The following WDSUB1 variants were observed in gnomAD, a reference collection of about 807,000 sequenced individuals.
WDSUB1 encodes the protein WD repeat, SAM and U-box domain-containing protein 1.
WDSUB1 carries 49 observed loss-of-function variants against 53.9 expected under a neutral mutation model. The observed-to-expected ratio is 0.91, with a 90% CI of 0.72 to 1.15. The LOEUF (loss-of-function observed/expected upper bound fraction) is 1.15. Ranked by LOEUF, WDSUB1 falls within the 50% of genes most tolerant of loss-of-function variation. The pLI is 0.00. For missense variants in WDSUB1, 514 were observed against 562.0 expected, an observed-to-expected ratio of 0.91 and a Z score of 0.86; for synonymous variants, 194 against 200.6, an observed-to-expected ratio of 0.97 and a Z score of 0.28.
chr2:159,249,825 G>A (rs2151072065), intron 9 of WDSUB1, among the ~76,000 whole-genome samples: 1 of 151,720 alleles, frequency 6.6e-6, no homozygotes, highest in Non-Finnish European at 1.5e-5. Flanking sequence ...CAGCACTTTG[G>A]GAGGATTAGG....
intron 5 of WDSUB1, among the ~76,000 whole-genome samples, chr2:159,261,125 T>C (rs978874988): frequency 6.6e-6 from 1 of 151,530 alleles, no homozygotes; most frequent in Non-Finnish European, 1.5e-5. Context: ...ATCAAAATAT[T>C]CAAGAAAAAC....
intron 10 of WDSUB1, among the ~76,000 whole-genome samples, chr2:159,244,672 C>A (rs2060747099): frequency 5.3e-5 from 8 of 152,222 alleles, no homozygotes; most frequent in African/African-American, 1.9e-4. Context: ...CACGTCTTAT[C>A]TCAGCACTTT....
chr2:159,256,762 T>C (rs1262682887), intron 8 of WDSUB1, among the ~76,000 whole-genome samples: 1 of 152,166 alleles, frequency 6.6e-6, no homozygotes, highest in African/African-American at 2.4e-5. Flanking sequence ...ATTCTGACAG[T>C]GATAAAAATA....
intron 3 of WDSUB1, among the ~76,000 whole-genome samples, chr2:159,277,513 A>C (rs1296392965): frequency 1.3e-5 from 2 of 152,206 alleles, no homozygotes; most frequent in African/African-American, 2.4e-5. Flanking sequence ...ATCTAAATAT[A>C]ATATTTAGAA....
Position 159,271,813 on chromosome 2 carries a change from A to T in WDSUB1, c.677-18T>A, listed in dbSNP as rs1194121119. On this transcript the variant is annotated intron_variant, in intron 4 of 10. Transcript: ENST00000359774. Reference sequence around the variant, plus strand: ...TTCAAAACCTGCAAATAACAAGGTAACAGAGATTAGAAAGCTGACCATGCT... The same window carrying T: ...TTCAAAACCTGCAAATAACAAGGTATCAGAGATTAGAAAGCTGACCATGCT... 2 of 1,597,608 alleles carry T rather than the reference A, an allele frequency of 1.3e-6. No individual in the cohort carries two copies. Among genetic ancestry groups the T allele is most frequent in the Non-Finnish European group, 1.7e-6 (2 of 1,166,796 alleles).
intron 1 of WDSUB1, among the ~76,000 whole-genome samples, chr2:159,285,133 AT>A: frequency 6.6e-6 from 1 of 152,216 alleles, no homozygotes; most frequent in Non-Finnish European, 1.5e-5. Flanking sequence ...TATCCACACC[AT>A]GTAAAACTGT....
At chr2:159,238,670 C>A (rs2060554216) in intron 10 of WDSUB1, among the ~76,000 whole-genome samples, 1 of 152,164 alleles carries the variant, frequency 6.6e-6, no homozygotes, top group South Asian at 2.1e-4. Flanking sequence ...TTCCATTGTT[C>A]TATTCCTGGG....
intron 1 of WDSUB1, among the ~76,000 whole-genome samples, chr2:159,285,554 T>G (rs1305523286): frequency 6.6e-6 from 1 of 151,836 alleles, no homozygotes; most frequent in Non-Finnish European, 1.5e-5. Context: ...AAAATAAAAA[T>G]AATTAGCTGG....
At chr2:159,246,642 A>G (rs1393391247) in intron 10 of WDSUB1, among the ~76,000 whole-genome samples, 2 of 152,212 alleles carry the variant, frequency 1.3e-5, no homozygotes, top group Non-Finnish European at 1.5e-5. Flanking sequence ...TCACTCCTAT[A>G]TATTTAACCA....
chr2:159,241,081 A>G (rs528139762), intron 10 of WDSUB1, among the ~76,000 whole-genome samples: 15 of 152,368 alleles, frequency 9.8e-5, no homozygotes, highest in Middle Eastern at 3.4e-3. Flanking sequence ...CTGAAGTCAG[A>G]GTATAACCAA....
Position 159,260,310 on chromosome 2 carries a change from AAAC to A in WDSUB1, c.771-470_771-468del, listed in dbSNP as rs200499675. ...GCAAAGTGAGACTCTATCTCAAAAA[AAAC>A]AACATGCCATATATAAAATTTAGAA... On this transcript the variant is annotated intron_variant, in intron 5 of 10. Transcript: ENST00000359774. Among the ~76,000 whole-genome samples, 283 of 152,258 alleles carry A rather than the reference AAAC, an allele frequency of 1.9e-3. 3 individuals are homozygous for A. The East Asian group carries it at 0.022, about 12-fold the overall frequency.
intron 5 of WDSUB1, among the ~76,000 whole-genome samples, chr2:159,260,816 G>A (rs1292418610): frequency 6.6e-6 from 1 of 152,148 alleles, no homozygotes; most frequent in Non-Finnish European, 1.5e-5. Flanking sequence ...ACACTACAAG[G>A]TGAAAAAACA....
intron 5 of WDSUB1, among the ~76,000 whole-genome samples, chr2:159,265,116 A>ACAC (rs2061312628): frequency 6.7e-6 from 1 of 150,176 alleles, no homozygotes; most frequent in African/African-American, 2.5e-5. Flanking sequence ...AACAACAACA[A>ACAC]CAACAACAAA....
Position 159,273,280 on chromosome 2 carries a change from C to A in WDSUB1, c.677-1485G>T, listed in dbSNP as rs552617764. Among the ~76,000 whole-genome samples, 66 of 152,114 alleles carry A rather than the reference C, an allele frequency of 4.3e-4. 2 individuals carry two copies. Among genetic ancestry groups the A allele is most frequent in the Admixed American group, 3.3e-4 (5 of 15,284 alleles). On this transcript the variant is annotated intron_variant, in intron 4 of 10. Transcript: ENST00000359774. ...CAAAGCAAACATATTAAGTTGCACA[C>A]CAAATTAAGACTATAAAACTTCAAT...
At chr2:159,251,318 A>G (rs1018187755) in intron 9 of WDSUB1, among the ~76,000 whole-genome samples, 4 of 152,136 alleles carry the variant, frequency 2.6e-5, no homozygotes, top group Non-Finnish European at 5.9e-5. Context: ...TATTCTTTAA[A>G]AAGTATATTT....
chr2:159,242,624 C>T lies in WDSUB1; in HGVS notation c.1273+5748G>A, dbSNP rs1245747084. ...GAGCCAAGATTGTGCCATTGCACTC[C>T]AGTCTGGGCAACAAGAGCGAAACTC... On this transcript the variant is annotated intron_variant, in intron 10 of 10. Transcript: ENST00000359774. Among the ~76,000 whole-genome samples, 4 of 147,568 alleles carry T rather than the reference C, an allele frequency of 2.7e-5. 1 individual carries two copies. Among genetic ancestry groups the T allele is most frequent in the African/African-American group, 1.1e-4 (4 of 37,812 alleles).
chr2:159,252,372 A>T (rs948745662), intron 9 of WDSUB1, among the ~76,000 whole-genome samples: 2 of 152,208 alleles, frequency 1.3e-5, no homozygotes, highest in African/African-American at 2.4e-5. Flanking sequence ...TATCTTCATG[A>T]ACCCTACAAT....
In WDSUB1 at chr2:159,256,357, T is replaced by C; in HGVS notation, c.971A>G (p.Gln324Arg). ...TLCQARRTEH[Q>R]LKQFTEDWSE... ...CCAATCTTCGGTAAATTGCTTCAGCTGATGTTCTGTGCGCCTTGCTTAAAA... is the reference window on the plus strand; with the variant it reads ...CCAATCTTCGGTAAATTGCTTCAGCCGATGTTCTGTGCGCCTTGCTTAAAA... The change falls in exon 9 of 11, where the codon CAG becomes CGG. Residue 324 changes from glutamine to arginine, a missense_variant. Physicochemically the swap from Gln to Arg is conservative, Grantham distance 43. Coordinates refer to ENST00000359774, the MANE Select transcript of WDSUB1 (RefSeq NM_001128212.3). The C allele has an allele frequency of 6.2e-7, 1 of 1,612,202 alleles. No individual in the cohort carries two copies. Among genetic ancestry groups the C allele is most frequent in the Non-Finnish European group, 8.5e-7 (1 of 1,179,498 alleles).
At chr2:159,285,127 C>T (rs929340643) in intron 1 of WDSUB1, among the ~76,000 whole-genome samples, 1 of 152,146 alleles carries the variant, frequency 6.6e-6, no homozygotes, top group African/African-American at 2.4e-5. Flanking sequence ...TTTCTGTATC[C>T]ACACCATGTA....
Sources: allele counts gnomAD v4.1 joint callset (sites outside exome capture counted in the v4.1 genomes callset), GRCh38; gene constraint gnomAD v4.1.1; transcripts MANE v1.5; gene names NCBI Gene and HGNC (gene_info 2026-07-23, HGNC 2026-07-21).